The following KATNIP variants were observed in gnomAD, a reference collection of about 807,000 sequenced individuals.
KATNIP encodes the protein katanin interacting protein.
In KATNIP, 126 loss-of-function variants were observed where a neutral mutation model predicts 174.0. The observed-to-expected ratio is 0.72, with a 90% CI of 0.63 to 0.84. KATNIP has a LOEUF of 0.84. KATNIP is among the 40% of genes least tolerant of loss of function. KATNIP has a pLI of 0.00. For missense variants in KATNIP, 1,958 were observed against 2,109.7 expected (o/e 0.93, Z 1.41); for synonymous variants, 810 against 835.7 (o/e 0.97, Z 0.53).
At chr16:27,649,366 A>G (rs918294663) in intron 6 of KATNIP, among the ~76,000 whole-genome samples, 1 of 152,246 alleles carries the variant, frequency 6.6e-6, no homozygotes. Flanking sequence ...TTGAACTGCA[A>G]AAGTATATCC....
chr16:27,585,958 G>C (rs988746198), intron 2 of KATNIP, among the ~76,000 whole-genome samples: 1 of 151,906 alleles, frequency 6.6e-6, no homozygotes. Context: ...AAAATTAGGC[G>C]GGCGTGGTGG....
At chr16:27,600,202 T>G (rs2075470536) in intron 2 of KATNIP, among the ~76,000 whole-genome samples, 1 of 151,366 alleles carries the variant, frequency 6.6e-6, no homozygotes, top group African/African-American at 2.4e-5. Flanking sequence ...AGAAGTGGGG[T>G]GAGGAGGGAG....
At position 27,648,686 on chromosome 16, in the gene KATNIP, G is replaced by A. The variant is rs371223280; in HGVS notation, c.491G>A (p.Cys164Tyr). Residue 164 changes from cysteine (C) to tyrosine (Y), a missense_variant, in exon 6 of 28, where the codon TGT (cysteine) becomes TAT (tyrosine). Transcript: ENST00000261588. The stretch of plus-strand genomic sequence containing the variant: ...GACTATTCTGATGATTTTGAGCTGT[G>A]TGGGGATGTGACTCTCCAGGCAAAC... ...PVDYSDDFEL[C>Y]GDVTLQANNT... 2.5e-6 allele frequency: 4 copies of A among 1,614,112 alleles called. No homozygotes were observed. Among genetic ancestry groups the A allele is most frequent in the Non-Finnish European group, 3.4e-6 (4 of 1,180,040 alleles).
At chr16:27,735,291 G>C (rs2080857077) in intron 14 of KATNIP, among the ~76,000 whole-genome samples, 1 of 152,186 alleles carries the variant, frequency 6.6e-6, no homozygotes, top group Non-Finnish European at 1.5e-5. Context: ...CTGGAGGTCA[G>C]ATGGGCTCTG....
At chr16:27,655,200 A>G (rs1426279174) in intron 6 of KATNIP, among the ~76,000 whole-genome samples, 85 of 107,594 alleles carry the variant, frequency 7.9e-4, no homozygotes, top group Admixed American at 7.0e-4. Context: ...ATATATATAT[A>G]TATATATATA....
At chr16:27,671,685 AG>A (rs2077910228) in intron 6 of KATNIP, among the ~76,000 whole-genome samples, 1 of 152,116 alleles carries the variant, frequency 6.6e-6, no homozygotes. Flanking sequence ...ACTGCAGCAA[AG>A]CTGGTAGCCC....
chr16:27,756,710 C>A (rs1227240765), intron 18 of KATNIP, among the ~76,000 whole-genome samples: 1 of 151,496 alleles, frequency 6.6e-6, no homozygotes, highest in African/African-American at 2.4e-5. Flanking sequence ...TTTTTTTTGG[C>A]AGGGGATGAA....
At chr16:27,655,900 G>T (rs961055407) in intron 6 of KATNIP, among the ~76,000 whole-genome samples, 1 of 152,082 alleles carries the variant, frequency 6.6e-6, no homozygotes, top group Non-Finnish European at 1.5e-5. Flanking sequence ...GAATATTATT[G>T]ATGTTATACC....
intron 13 of KATNIP, among the ~76,000 whole-genome samples, chr16:27,721,340 A>T (rs114430234): frequency 0.017 from 2,577 of 152,154 alleles, 80 homozygotes; most frequent in African/African-American, 0.058. Flanking sequence ...AGCTTTGTGC[A>T]GGGGGTGGGA....
intron 12 of KATNIP, among the ~76,000 whole-genome samples, chr16:27,708,018 C>G (rs184637314): frequency 2.7e-5 from 4 of 148,662 alleles, no homozygotes; most frequent in Non-Finnish European, 5.9e-5. Flanking sequence ...AAATTCAGCC[C>G]GTAACCTTTT....
Position 27,774,946 on chromosome 16 carries a change from T to A in KATNIP, c.4311T>A (p.Asn1437Lys). Residue 1437 changes from asparagine (N) to lysine (K), a missense_variant and splice_region_variant, in exon 24 of 28, where the codon AAT (asparagine) becomes AAA (lysine). Asn to Lys is a moderately conservative substitution (Grantham distance 94). Transcript: ENST00000261588. ...ATGGCAACTTAGACGTCTCCTCAGA[T>A]ATTGCGGCCTTCCCCGACAGCGTGA... ...RGEKIPLSEN[N>K]IAAFPDSVNS... is the part of the protein sequence containing the mutation. 1 of 1,613,828 alleles carries A rather than the reference T, an allele frequency of 6.2e-7. No individual in the cohort carries two copies. Among genetic ancestry groups the A allele is most frequent in the Non-Finnish European group, 8.5e-7 (1 of 1,179,918 alleles).
chr16:27,577,976 G>A (rs1286219045), intron 2 of KATNIP, among the ~76,000 whole-genome samples: 1 of 152,088 alleles, frequency 6.6e-6, no homozygotes, highest in Non-Finnish European at 1.5e-5. Flanking sequence ...AGGGCCTGGT[G>A]CAATTCATTC....
chr16:27,657,448 C>A (rs2084805031), intron 6 of KATNIP, among the ~76,000 whole-genome samples: 1 of 152,080 alleles, frequency 6.6e-6, no homozygotes, highest in African/African-American at 2.4e-5. Context: ...AGAAAAATGG[C>A]CGGGCACAGT....
chr16:27,555,376 T>C (rs1158939123), intron 1 of KATNIP, among the ~76,000 whole-genome samples: 1 of 152,194 alleles, frequency 6.6e-6, no homozygotes, highest in Non-Finnish European at 1.5e-5. Flanking sequence ...TGTGATGCAG[T>C]GTAATGTCCT....
chr16:27,572,004 G>C (rs1596754401), intron 1 of KATNIP, among the ~76,000 whole-genome samples: 1 of 152,010 alleles, frequency 6.6e-6, no homozygotes, highest in Non-Finnish European at 1.5e-5. Context: ...GTGTGTGTGT[G>C]TATGTGTGTG....
intron 15 of KATNIP, 56 bp from the exon 16 acceptor site, chr16:27,749,528 C>T (rs1192969737): frequency 6.6e-7 from 1 of 1,505,894 alleles, no homozygotes; most frequent in Non-Finnish European, 8.9e-7. Flanking sequence ...CTAATGGTCC[C>T]CACTTCCACA....
In KATNIP at chr16:27,572,483, G is replaced by T. The variant is rs1298608679; in HGVS notation, c.8-1418G>T. On this transcript the variant is annotated intron_variant, in intron 1 of 27. Coordinates refer to ENST00000261588, the MANE Select transcript of KATNIP (RefSeq NM_015202.5). Reference sequence around the variant, plus strand: ...CTGGCCTCTGTTAGTCTACCCCAAGGCTTGTGGCTGGTAGTAACTCAGCAT... The same window carrying T: ...CTGGCCTCTGTTAGTCTACCCCAAGTCTTGTGGCTGGTAGTAACTCAGCAT... 3.3e-5 allele frequency among the ~76,000 whole-genome samples: 5 copies of T among 151,724 alleles called. No individual in the cohort carries two copies. In the South Asian group the frequency reaches 1.0e-3, roughly 32 times the overall value.
intron 6 of KATNIP, chr16:27,654,552 TC>T (rs1353801169): frequency 4.5e-6 from 6 of 1,343,602 alleles, no homozygotes; most frequent in Non-Finnish European, 9.9e-7. Flanking sequence ...CCCCAGCATG[TC>T]TTCAGGGACA....
At position 27,761,929 on chromosome 16, in the gene KATNIP, T is replaced by C. The variant is rs189491388; in HGVS notation, c.3809+339T>C. On this transcript the variant is annotated intron_variant, in intron 19 of 27. Coordinates refer to ENST00000261588, the MANE Select transcript of KATNIP (RefSeq NM_015202.5). Reference sequence around the variant, plus strand: ...GCTGTCTGTAAACCTTTGCAGTGGATGGTTCAGAGTTTACACATGAATGAC... The same window carrying C: ...GCTGTCTGTAAACCTTTGCAGTGGACGGTTCAGAGTTTACACATGAATGAC... Among the ~76,000 whole-genome samples, 167 of 152,326 alleles carry C rather than the reference T, an allele frequency of 1.1e-3. 2 individuals carry two copies. Among genetic ancestry groups the C allele is most frequent in the African/African-American group, 3.9e-3 (162 of 41,574 alleles).
Sources: allele counts gnomAD v4.1 joint callset (sites outside exome capture counted in the v4.1 genomes callset), GRCh38; gene constraint gnomAD v4.1.1; transcripts MANE v1.5; gene names NCBI Gene and HGNC (gene_info 2026-07-23, HGNC 2026-07-21).